IDNK: variants seen among roughly 807,000 people sequenced by gnomAD.
IDNK encodes gluconokinase.
In IDNK, 9 loss-of-function variants were observed where a neutral mutation model predicts 13.0. The observed-to-expected ratio is 0.69, with a 90% confidence interval of 0.42 to 1.21. The LOEUF is 1.21. IDNK is among the 50% of genes most tolerant of loss of function. The pLI, the probability that IDNK is intolerant of heterozygous loss-of-function variation, is 0.00. For synonymous variants in IDNK, 92 were observed against 94.9 expected, an observed-to-expected ratio of 0.97 and a Z score of 0.18; for missense variants, 210 against 237.8, an observed-to-expected ratio of 0.88 and a Z score of 0.77.
At chr9:83,634,020 G>C (rs754344700) in intron 3 of IDNK, among the ~76,000 whole-genome samples, 8 of 152,196 alleles carry the variant, frequency 5.3e-5, no homozygotes, top group Non-Finnish European at 1.2e-4. Flanking sequence ...TGGTCATGAC[G>C]GCACTGACAT....
intron 2 of IDNK, among the ~76,000 whole-genome samples, chr9:83,628,650 CAA>C (rs34312050): frequency 9.9e-5 from 13 of 131,278 alleles, no homozygotes; most frequent in Admixed American, 2.2e-4. Context: ...GACTACATTT[CAA>C]AAAAAAAAAA....
At chr9:83,626,935 C>G in intron 1 of IDNK, 6 of 757,030 alleles carry the variant, frequency 7.9e-6, no homozygotes, top group Non-Finnish European at 9.8e-6. Context: ...TCTCTGATAG[C>G]TTTTTAGTGA....
At chr9:83,628,802 A>G in intron 2 of IDNK, 71 bp from the exon 3 acceptor site, 3 of 1,070,954 alleles carry the variant, frequency 2.8e-6, no homozygotes, top group Non-Finnish European at 2.9e-6. Flanking sequence ...CCTGCCTGTT[A>G]GTAATCCCAC....
At chr9:83,627,903 A>T (rs1830904182) in intron 1 of IDNK, 2 of 539,236 alleles carry the variant, frequency 3.7e-6, no homozygotes, top group Non-Finnish European at 5.2e-6. Context: ...CCAAAAACTG[A>T]TTACTGAAGA....
At chr9:83,627,652 C>A (rs1320222923) in intron 1 of IDNK, among the ~76,000 whole-genome samples, 1 of 152,148 alleles carries the variant, frequency 6.6e-6, no homozygotes, top group Non-Finnish European at 1.5e-5. Context: ...CCAGTCTTAA[C>A]AAGTGCCGGT....
intron 3 of IDNK, among the ~76,000 whole-genome samples, chr9:83,630,908 A>T (rs1402376035): frequency 1.3e-5 from 2 of 152,132 alleles, no homozygotes; most frequent in East Asian, 1.9e-4. Flanking sequence ...TACTTACTAA[A>T]TTTTTTCAGA....
At chr9:83,634,586 T>A (rs1023094485) in intron 3 of IDNK, among the ~76,000 whole-genome samples, 1 of 152,252 alleles carries the variant, frequency 6.6e-6, no homozygotes, top group African/African-American at 2.4e-5. Context: ...ATAGAAAGTA[T>A]AATGAATAAG....
In IDNK at chr9:83,644,014, C is replaced by G. The variant is rs1831389160; in HGVS notation, c.*234C>G. ...ATTGAAGTTTAAATTCATCTATAAC[C>G]AAATCAAATGATCAGAGGAAATTCT... On this transcript the variant is annotated 3_prime_UTR_variant, in exon 5 of 5. Transcript: ENST00000376419. 1 of 441,330 alleles carries G rather than the reference C, an allele frequency of 2.3e-6. No homozygotes were observed. The allele number at this position is 441,330 out of a possible 1,614,324, so 27.3% of individuals were successfully genotyped here. A position where few individuals can be genotyped will look rare whatever the true frequency, so the allele number is the denominator to read the frequency against.
Position 83,641,580 on chromosome 9 carries a change from C to CAAAT in IDNK, c.202_203insAATA (p.Ile68LysfsTer40). 1.9e-6 allele frequency: 3 copies of CAAAT among 1,614,014 alleles called. No individual in the cohort carries two copies. In the South Asian group the frequency reaches 3.3e-5, roughly 18 times the overall value. On this transcript the variant is annotated frameshift_variant, in exon 4 of 5. Transcript: ENST00000376419. LOFTEE classifies it low-confidence loss of function (END_TRUNC). Reference sequence around the variant, plus strand: ...TTCCATGGCTCTGTAACTTGCATGACATTTTACTAAGGTAAGAGACCACCA... The same window carrying CAAAT: ...TTCCATGGCTCTGTAACTTGCATGACAAATATTTTACTAAGGTAAGAGACCACCA...
intron 3 of IDNK, among the ~76,000 whole-genome samples, chr9:83,632,557 CAAAAAAAAAAAAA>C (rs61214533): frequency 7.6e-5 from 6 of 78,558 alleles, no homozygotes; most frequent in South Asian, 5.5e-4. Flanking sequence ...AGCTGATGAG[CAAAAAAAAAAAAA>C]AAAAAAAAAA....
chr9:83,628,826 T>C (rs1830932064), intron 2 of IDNK, 47 bp from the exon 3 acceptor site: 1 of 1,293,668 alleles, frequency 7.7e-7, no homozygotes, highest in Non-Finnish European at 1.1e-6. Flanking sequence ...GACTATCACA[T>C]TGGCCCATCT....
At chr9:83,624,277 G>A (rs553243120) in intron 1 of IDNK, among the ~76,000 whole-genome samples, 1 of 152,344 alleles carries the variant, frequency 6.6e-6, no homozygotes, top group African/African-American at 2.4e-5. Context: ...TTCTGTTGCT[G>A]TCTGGCTGTG....
At chr9:83,643,193 C>A (rs1831361118) in intron 4 of IDNK, among the ~76,000 whole-genome samples, 1 of 152,214 alleles carries the variant, frequency 6.6e-6, no homozygotes, top group African/African-American at 2.4e-5. Context: ...GGTAGCCCCA[C>A]TTAACAGATG....
intron 3 of IDNK, among the ~76,000 whole-genome samples, chr9:83,636,039 GT>G (rs988037980): frequency 2.0e-5 from 3 of 152,102 alleles, no homozygotes; most frequent in African/African-American, 7.2e-5. Flanking sequence ...ATCCAAGAGG[GT>G]TTTTTTATAA....
chr9:83,634,066 T>A (rs7046388), intron 3 of IDNK, among the ~76,000 whole-genome samples: 39,869 of 152,136 alleles, frequency 0.26, 6,482 homozygotes, highest in East Asian at 0.8. Flanking sequence ...GCACTAGAAC[T>A]TGAATTTCTA....
chr9:83,643,949 C>T lies in IDNK; in HGVS notation c.*169C>T. 1 of 554,620 alleles carries T rather than the reference C, an allele frequency of 1.8e-6. No individual in the cohort carries two copies. The highest frequency in any genetic ancestry group is 2.5e-5 in the South Asian group (1 of 39,584). 34.4% of individuals were successfully genotyped at this position (554,620 alleles called of 1,614,324 possible). ...TGTAATTTTAGGAATTATGCTGGTTCATCAGGAAGCAGAGGGGGAGTTTTA... is the reference window on the plus strand; with the variant it reads ...TGTAATTTTAGGAATTATGCTGGTTTATCAGGAAGCAGAGGGGGAGTTTTA... On this transcript the variant is annotated 3_prime_UTR_variant, in exon 5 of 5. Coordinates refer to ENST00000376419, the MANE Select transcript of IDNK (RefSeq NM_001001551.4).
chr9:83,634,061 A>G (rs1367846888), intron 3 of IDNK, among the ~76,000 whole-genome samples: 1 of 152,234 alleles, frequency 6.6e-6, no homozygotes. Flanking sequence ...GTCAGGCACT[A>G]GAACTTGAAT....
At chr9:83,642,075 T>C (rs1439677150) in intron 4 of IDNK, among the ~76,000 whole-genome samples, 1 of 152,100 alleles carries the variant, frequency 6.6e-6, no homozygotes, top group Non-Finnish European at 1.5e-5. Context: ...CCTGAGGTCA[T>C]TTGTGAGTGA....
chr9:83,642,228 G>A (rs1831331479), intron 4 of IDNK, among the ~76,000 whole-genome samples: 1 of 152,198 alleles, frequency 6.6e-6, no homozygotes, highest in South Asian at 2.1e-4. Flanking sequence ...GGAAAAGGCA[G>A]GGAGTGGGTT....
Sources: gnomAD v4.1 joint callset for allele counts (sites outside exome capture counted in the v4.1 genomes callset) on GRCh38, gnomAD v4.1.1 for gene constraint, MANE v1.5 for transcripts, NCBI Gene and HGNC (gene_info 2026-07-23, HGNC 2026-07-21) for gene names.